MMP26: variants seen among roughly 807,000 people sequenced by gnomAD.
MMP26 encodes the protein matrix metallopeptidase 26.
In MMP26, 33 loss-of-function variants were observed where a neutral mutation model predicts 31.0. That is an observed-to-expected ratio of 1.06 (90% CI 0.81 to 1.42). MMP26 has a LOEUF of 1.42. MMP26 is among the 40% of genes most tolerant of loss of function. MMP26 has a pLI of 0.00. For synonymous variants in MMP26, 122 were observed against 114.9 expected (o/e 1.06, Z -0.40); for missense variants, 347 against 316.1 (o/e 1.10, Z -0.74).
chr11:4,935,518 G>T (rs1416264587), intron 2 of MMP26, among the ~76,000 whole-genome samples: 2 of 151,126 alleles, frequency 1.3e-5, no homozygotes, highest in African/African-American at 2.4e-5. Flanking sequence ...CATGTCATCT[G>T]CAAACAGGGA....
chr11:4,908,440 A>G lies in MMP26; in HGVS notation c.-144-79628A>G, dbSNP rs184610899. The G allele has an allele frequency of 2.1e-4, 163 of 775,722 alleles. No homozygotes were observed. The African/African-American group carries it at 2.4e-3, about 11-fold the overall frequency. The allele number at this position is 775,722 out of a possible 1,614,324, so 48.1% of individuals were successfully genotyped here. ...TGAAAAGCTATGTAGTGCAGAATTT[A>G]TAATAAAGTTGAGAATATAACTGAA... On this transcript the variant is annotated intron_variant, in intron 2 of 7. Transcript: ENST00000380390.
chr11:4,707,862 C>T (rs567062392), intron 1 of MMP26, among the ~76,000 whole-genome samples: 1 of 152,102 alleles, frequency 6.6e-6, no homozygotes, highest in African/African-American at 2.4e-5. Context: ...GATCGTAGGT[C>T]TGAGAAAAAA....
Position 4,992,012 on chromosome 11 carries a change from G to A in MMP26, c.644G>A (p.Gly215Asp), listed in dbSNP as rs758222762. 3.1e-6 allele frequency: 5 copies of A among 1,613,094 alleles called. No homozygotes were observed. In the African/African-American group the frequency reaches 6.7e-5, roughly 22 times the overall value. Residue 215 changes from glycine to aspartate, a missense_variant, in exon 7 of 8, where the codon GGC becomes GAC. By Grantham distance (94) the Gly-to-Asp change is moderately conservative (BLOSUM62 -1). Transcript: ENST00000380390. ...VATHEIGHSL[G>D]LQHSGNQSSI... Reference sequence around the variant, plus strand: ...ACTCATGAGATTGGGCATTCTTTGGGCCTGCAGCACTCTGGGAATCAGAGC... The same window carrying A: ...ACTCATGAGATTGGGCATTCTTTGGACCTGCAGCACTCTGGGAATCAGAGC...
intron 2 of MMP26, among the ~76,000 whole-genome samples, chr11:4,981,420 T>G (rs1383986100): frequency 6.6e-6 from 1 of 152,172 alleles, no homozygotes; most frequent in Non-Finnish European, 1.5e-5. Flanking sequence ...TACTAAATAC[T>G]ATAGACAATT....
chr11:4,959,130 C>T (rs1418330100), intron 2 of MMP26, among the ~76,000 whole-genome samples: 7 of 149,856 alleles, frequency 4.7e-5, no homozygotes, highest in Non-Finnish European at 1.0e-4. Context: ...CCCAGCTACT[C>T]GGGAGGCTGA....
intron 2 of MMP26, among the ~76,000 whole-genome samples, chr11:4,886,953 CTTAA>C (rs1218681260): frequency 2.0e-5 from 3 of 151,696 alleles, no homozygotes; most frequent in East Asian, 3.9e-4. Context: ...GTACTTAATT[CTTAA>C]TTTATTTTTT....
chr11:4,737,100 C>T (rs1848251084), intron 1 of MMP26: 1 of 152,182 alleles, frequency 6.6e-6, no homozygotes, highest in Admixed American at 6.5e-5. Flanking sequence ...GAAAAGATGA[C>T]ATGATTACTA....
At chr11:4,781,160 C>G (rs1017484390) in intron 2 of MMP26, among the ~76,000 whole-genome samples, 1 of 152,120 alleles carries the variant, frequency 6.6e-6, no homozygotes, top group African/African-American at 2.4e-5. Flanking sequence ...AATATTTTGA[C>G]TAATGAAAGT....
At chr11:4,859,640 C>T (rs1042111983) in intron 2 of MMP26, 3 of 457,528 alleles carry the variant, frequency 6.6e-6, no homozygotes, top group African/African-American at 2.0e-5. Context: ...CTCTGGAACA[C>T]TTGAAAGATC....
intron 2 of MMP26, among the ~76,000 whole-genome samples, chr11:4,789,688 C>T (rs940611792): frequency 6.6e-6 from 1 of 150,992 alleles, no homozygotes; most frequent in African/African-American, 2.4e-5. Flanking sequence ...CTACAGGTGC[C>T]TGCCACCACA....
intron 2 of MMP26, among the ~76,000 whole-genome samples, chr11:4,960,035 C>G (rs1010579902): frequency 7.3e-6 from 1 of 137,456 alleles, no homozygotes; most frequent in Non-Finnish European, 1.6e-5. Context: ...ATTTCAGCCC[C>G]GCCCCCCCAC....
chr11:4,796,184 C>T (rs1849106551), intron 2 of MMP26, among the ~76,000 whole-genome samples: 1 of 152,206 alleles, frequency 6.6e-6, no homozygotes, highest in Admixed American at 6.5e-5. Flanking sequence ...AGCAACTTGG[C>T]TGTTTCTCCT....
intron 2 of MMP26, among the ~76,000 whole-genome samples, chr11:4,792,305 C>T (rs887881258): frequency 6.6e-5 from 10 of 152,038 alleles, no homozygotes; most frequent in Admixed American, 1.3e-4. Flanking sequence ...TTATTTCCTT[C>T]GGAGGCAACT....
At chr11:4,722,575 G>T (rs1008091662) in intron 1 of MMP26, among the ~76,000 whole-genome samples, 2 of 150,990 alleles carry the variant, frequency 1.3e-5, no homozygotes, top group African/African-American at 2.4e-5. Flanking sequence ...CACGGGCAAG[G>T]GGTGTCCTCA....
At chr11:4,824,685 T>C (rs1377919502) in intron 2 of MMP26, among the ~76,000 whole-genome samples, 1 of 152,144 alleles carries the variant, frequency 6.6e-6, no homozygotes, top group Non-Finnish European at 1.5e-5. Flanking sequence ...GATATTTCTA[T>C]AGTCCACATT....
intron 1 of MMP26, among the ~76,000 whole-genome samples, chr11:4,724,628 G>T (rs1433926033): frequency 6.6e-6 from 1 of 152,160 alleles, no homozygotes. Context: ...TAAAGATAAG[G>T]TTGCTATGGT....
At chr11:4,862,461 T>C (rs1288225256) in intron 2 of MMP26, among the ~76,000 whole-genome samples, 2 of 152,216 alleles carry the variant, frequency 1.3e-5, no homozygotes, top group African/African-American at 4.8e-5. Context: ...CCTCAAACTC[T>C]GTTCTGATCT....
At chr11:4,835,366 C>T (rs1849703931) in intron 2 of MMP26, among the ~76,000 whole-genome samples, 2 of 152,108 alleles carry the variant, frequency 1.3e-5, no homozygotes, top group Non-Finnish European at 2.9e-5. Flanking sequence ...ACCACTGTTA[C>T]ACTTTGTAAA....
At position 4,989,568 on chromosome 11, in the gene MMP26, A is replaced by G. The variant is rs556305373; in HGVS notation, c.100-80A>G. ...AAGTACCGTCCTTCTGAGACCCTCA[A>G]AGAAGGCTATGCCCAGGGTAACTGA... On this transcript the variant is annotated intron_variant, in intron 3 of 7. Transcript: ENST00000380390. 17 of 1,170,628 alleles carry G rather than the reference A, an allele frequency of 1.5e-5. No homozygotes were observed. In the South Asian group the frequency reaches 2.1e-4, roughly 14 times the overall value. The allele number at this position is 1,170,628 out of a possible 1,614,324, so 72.5% of individuals were successfully genotyped here. A position where few individuals can be genotyped will look rare whatever the true frequency, so the allele number is the denominator to read the frequency against.
Sources: allele counts gnomAD v4.1 joint callset (sites outside exome capture counted in the v4.1 genomes callset), GRCh38; gene constraint gnomAD v4.1.1; transcripts MANE v1.5; gene names NCBI Gene and HGNC (gene_info 2026-07-23, HGNC 2026-07-21).